Variants in ATG2A observed in about 807,000 individuals in gnomAD.
ATG2A encodes autophagy-related protein 2 homolog A.
A neutral mutation model predicts 214.2 loss-of-function variants in ATG2A; 103 were observed. The observed-to-expected ratio is 0.48, with a 90% CI of 0.41 to 0.57. ATG2A has a LOEUF of 0.57. ATG2A is among the 20% of genes least tolerant of loss of function. The pLI, the probability that ATG2A is intolerant of heterozygous loss-of-function variation, is 0.00. For missense variants in ATG2A, 2,312 were observed against 2,613.2 expected (o/e 0.88, Z 2.51); for synonymous variants, 1,160 against 1,142.1 (o/e 1.02, Z -0.32).
Position 64,913,837 on chromosome 11 carries a change from C to T in ATG2A, c.574G>A (p.Glu192Lys), listed in dbSNP as rs747039812. 7.4e-6 allele frequency: 12 copies of T among 1,613,458 alleles called. No homozygotes were observed. Among genetic ancestry groups the T allele is most frequent in the South Asian group, 4.4e-5 (4 of 91,082 alleles). Residue 192 changes from glutamate (E) to lysine (K), a missense_variant, in exon 4 of 41, where the codon GAG becomes AAG. Coordinates refer to ENST00000377264, the MANE Select transcript of ATG2A (RefSeq NM_015104.3). This position sits in a 1 kb window ranked among gnomAD's most constrained non-coding sequence, Gnocchi z 4.3. The part of the protein sequence containing the change: ...PGDGERGVAV[E>K]VRVQRLEYCD... Reference sequence around the variant, plus strand: ...TGCCCTTACCTCTGCACACGGACCTCGACGGCCACACCACGTTCCCCATCA... The same window carrying T: ...TGCCCTTACCTCTGCACACGGACCTTGACGGCCACACCACGTTCCCCATCA...
chr11:64,907,581 C>CT lies in ATG2A; in HGVS notation c.2590_2591insA (p.Gly864GlufsTer11). The CT allele has an allele frequency of 6.2e-7, 1 of 1,607,412 alleles. No individual in the cohort carries two copies. The highest frequency in any genetic ancestry group is 8.5e-7 in the Non-Finnish European group (1 of 1,177,752). On this transcript the variant is annotated frameshift_variant, in exon 18 of 41. Transcript: ENST00000377264. LOFTEE classifies it high-confidence loss of function. ...GCTGTCGTGCCAGAAGCCTGAGGGG[C>CT]CGGGGAAGCCCGAGGGCTGGGCGGC...
intron 31 of ATG2A, among the ~76,000 whole-genome samples, 173 bp downstream of exon 31, chr11:64,900,321 C>A (rs949120699): frequency 6.6e-6 from 1 of 152,162 alleles, no homozygotes; most frequent in Non-Finnish European, 1.5e-5. Flanking sequence ...AGACTCTCCC[C>A]TGAGCGCTCT....
chr11:64,913,964 A>C lies in ATG2A; in HGVS notation c.488-41T>G. 6.2e-7 allele frequency: 1 copy of C among 1,604,474 alleles called. No individual in the cohort carries two copies. The highest frequency in any genetic ancestry group is 1.7e-4 in the Middle Eastern group (1 of 6,052). On this transcript the variant is annotated intron_variant, in intron 3 of 40. Coordinates refer to ENST00000377264, the MANE Select transcript of ATG2A (RefSeq NM_015104.3). The surrounding 1 kb of genome is among the most constrained non-coding windows in gnomAD (Gnocchi z 4.3). ...GGGGTCTCAGGTCAGGTAGAGCAGC[A>C]AAGGGGAGGCAGAATTTCCCATCTG...
chr11:64,911,301 G>A (rs376664119), intron 9 of ATG2A, 26 bp from the exon 10 acceptor site: 4 of 1,607,200 alleles, frequency 2.5e-6, no homozygotes, highest in Non-Finnish European at 3.4e-6. Context: ...CTTCAGCAGG[G>A]GCTCCCAACA....
chr11:64,902,906 G>A (rs1439519748), intron 26 of ATG2A, among the ~76,000 whole-genome samples: 2 of 152,150 alleles, frequency 1.3e-5, no homozygotes, highest in African/African-American at 2.4e-5. Flanking sequence ...AAGGAAGCAG[G>A]AGTGTGCCCA....
chr11:64,896,715 C>T (rs1944165376), intron 38 of ATG2A, 33 bp downstream of exon 38: 18 of 1,612,068 alleles, frequency 1.1e-5, no homozygotes, highest in African/African-American at 2.7e-5. Context: ...AGGGTAAAAG[C>T]AGTTTCGAGG....
rs756235036 is a variant in ATG2A at position 64,903,597 on chromosome 11, C to T, written c.3528G>A (p.Leu1176=). 1 of 1,548,218 alleles carries T rather than the reference C, an allele frequency of 6.5e-7. No individual in the cohort carries two copies. The highest frequency in any genetic ancestry group is 8.7e-7 in the Non-Finnish European group (1 of 1,145,236). ...SDKCEVETLD[L]RRDYVCVLDV... ...AGTCCCGGCCCTGCCCACCTCGCCG[C>T]AGGTCCAGGGTCTCCACCTCACACT... Residue 1176 remains leucine, a synonymous_variant, in exon 25 of 41, where the codon CTG becomes CTA. Coordinates refer to ENST00000377264, the MANE Select transcript of ATG2A (RefSeq NM_015104.3). This position sits in a 1 kb window ranked among gnomAD's most constrained non-coding sequence, Gnocchi z 4.2.
Position 64,901,014 on chromosome 11 carries a change from T to A in ATG2A, c.4198A>T (p.Ile1400Phe), listed in dbSNP as rs1279674282. ...VVRDGYFSRPIGSTDLLRAPA... is the reference protein window; with the variant it reads ...VVRDGYFSRPFGSTDLLRAPA... ...GCCCGCAGCAAGTCCGTGCTGCCGA[T>A]CGGCCGTGAGAAGTAACCGTCCCTC... is the stretch of plus-strand genomic sequence containing the variant. Residue 1400 changes from isoleucine to phenylalanine, a missense_variant, in exon 30 of 41, where the codon ATC becomes TTC. Transcript: ENST00000377264. 3.8e-6 allele frequency: 6 copies of A among 1,590,050 alleles called. No individual in the cohort carries two copies. In the South Asian group the frequency reaches 5.7e-5, roughly 15 times the overall value.
rs780098630 is a variant in ATG2A, at chr11:64,910,056, G to T, written c.1847C>A (p.Pro616His). The T allele has an allele frequency of 5.0e-6, 8 of 1,591,850 alleles. No individual in the cohort carries two copies. Among genetic ancestry groups the T allele is most frequent in the South Asian group, 4.5e-5 (4 of 88,804 alleles). Residue 616 changes from proline to histidine, a missense_variant, in exon 13 of 41, where the codon CCT becomes CAT. Transcript: ENST00000377264. The stretch of plus-strand genomic sequence containing the variant: ...GCCTCTCACCAGCAGGCCGGCTGGA[G>T]GCTCAGCAGGTACGGTGGCCAGGCG... Reference protein sequence around the residue: ...LLRLATVPAEPPAGLLTEPLP... With the variant: ...LLRLATVPAEHPAGLLTEPLP...
In ATG2A at chr11:64,915,132, ACCCC is replaced by A. The variant is rs34205615; in HGVS notation, c.172-636_172-633del. On this transcript the variant is annotated intron_variant, in intron 1 of 40. Coordinates refer to ENST00000377264, the MANE Select transcript of ATG2A (RefSeq NM_015104.3). ...AGGGGCTGACCTAATGCCAGATGGG[ACCCC>A]CCCCCCCCACCACCAACCCCAAACA... Among the ~76,000 whole-genome samples the A allele has an allele frequency of 1.5e-3, 55 of 36,582 alleles. 1 individual carries two copies. Among genetic ancestry groups the A allele is most frequent in the Admixed American group, 7.4e-3 (25 of 3,364 alleles). The allele number at this position is 36,582 out of a possible 152,430, so 24.0% of individuals were successfully genotyped here.
chr11:64,906,071 C>T lies in ATG2A; in HGVS notation c.3264+42G>A. The stretch of plus-strand genomic sequence containing the variant: ...GACCTGCTTGCCCAAAACAGAAGTC[C>T]AGAGTCACTGGGCCATGTGGCTTCC... On this transcript the variant is annotated intron_variant, in intron 22 of 40. Transcript: ENST00000377264. 1.9e-6 allele frequency: 3 copies of T among 1,544,572 alleles called. No individual in the cohort carries two copies. In the South Asian group the frequency reaches 3.6e-5, roughly 18 times the overall value.
At position 64,896,809 on chromosome 11, in the gene ATG2A, G is replaced by A. The variant is rs143510901; in HGVS notation, c.5211C>T (p.Arg1737=). 1.9e-6 allele frequency: 3 copies of A among 1,614,168 alleles called. No individual in the cohort carries two copies. Among genetic ancestry groups the A allele is most frequent in the Non-Finnish European group, 2.5e-6 (3 of 1,180,040 alleles). ...YALNEWLQDI[R]KNQLPGLLGG... ...CCAGCAGGCCGGGCAGCTGGTTCTTGCGGATGTCCTGCAGCCACTCGTTGA... is the reference window on the plus strand; with the variant it reads ...CCAGCAGGCCGGGCAGCTGGTTCTTACGGATGTCCTGCAGCCACTCGTTGA... Residue 1737 remains arginine, a synonymous_variant, in exon 38 of 41, where the codon CGC becomes CGT. Transcript: ENST00000377264.
intron 36 of ATG2A, 86 bp downstream of exon 36, chr11:64,897,585 C>T: frequency 1.9e-6 from 3 of 1,607,018 alleles, no homozygotes; most frequent in Non-Finnish European, 2.6e-6. Flanking sequence ...TGGCTGCTAA[C>T]AGTGCCTGGA....
At chr11:64,912,680 G>A in intron 6 of ATG2A, 1 of 478,006 alleles carries the variant, frequency 2.1e-6, no homozygotes. Flanking sequence ...TGCAACCTCT[G>A]CCTCCTGGGT....
Position 64,917,086 on chromosome 11 carries a change from C to T in ATG2A, c.50G>A (p.Cys17Tyr). The T allele has an allele frequency of 6.2e-7, 1 of 1,613,476 alleles. No homozygotes were observed. The highest frequency in any genetic ancestry group is 8.5e-7 in the Non-Finnish European group (1 of 1,179,970). Residue 17 changes from cysteine (C) to tyrosine (Y), a missense_variant, in exon 1 of 41, where the codon TGC (cysteine) becomes TAC (tyrosine). Transcript: ENST00000377264. ...TAAGTAGTGGTGCAGCAAGTAGCGG[C>T]AGACCCGCTCTTTCACACAGTTTGA... Reference protein sequence around the residue: ...PWSNCVKERVCRYLLHHYLGH... With the variant: ...PWSNCVKERVYRYLLHHYLGH...
At position 64,898,577 on chromosome 11, in the gene ATG2A, G is replaced by A; in HGVS notation, c.4671+59C>T. ...GTGTGTGAATCCATGCATGCGTGAAGATGTATCCCCAACGGTCTGGTGCCC... is the reference window on the plus strand; with the variant it reads ...GTGTGTGAATCCATGCATGCGTGAAAATGTATCCCCAACGGTCTGGTGCCC... On this transcript the variant is annotated intron_variant, in intron 32 of 40. Transcript: ENST00000377264. This position sits in a 1 kb window ranked among gnomAD's most constrained non-coding sequence, Gnocchi z 4.5. 1 of 1,572,280 alleles carries A rather than the reference G, an allele frequency of 6.4e-7. No individual in the cohort carries two copies. Among genetic ancestry groups the A allele is most frequent in the South Asian group, 1.1e-5 (1 of 89,904 alleles).
At position 64,911,291 on chromosome 11, in the gene ATG2A, C is replaced by A. The variant is rs373387774; in HGVS notation, c.1229-16G>T. On this transcript the variant is annotated splice_polypyrimidine_tract_variant and intron_variant, in intron 9 of 40. Transcript: ENST00000377264. ...GCCATCTTGCCTGAGGGGACAGAGGCTTCAGCAGGGGCTCCCAACAGATTC... is the reference window on the plus strand; with the variant it reads ...GCCATCTTGCCTGAGGGGACAGAGGATTCAGCAGGGGCTCCCAACAGATTC... 1.2e-5 allele frequency: 19 copies of A among 1,611,018 alleles called. No individual in the cohort carries two copies. The highest frequency in any genetic ancestry group is 1.5e-5 in the Non-Finnish European group (18 of 1,178,710).
rs908386966 is a variant in ATG2A, at chr11:64,903,053, C to T, written c.3612+235G>A. 6.6e-6 allele frequency among the ~76,000 whole-genome samples: 1 copy of T among 152,140 alleles called. No individual in the cohort carries two copies. The highest frequency in any genetic ancestry group is 1.5e-5 in the Non-Finnish European group (1 of 68,004). On this transcript the variant is annotated intron_variant, in intron 26 of 40. Transcript: ENST00000377264. The surrounding 1 kb of genome is among the most constrained non-coding windows in gnomAD (Gnocchi z 4.2). ...AGGGCCTCGCTGGTGCCCTGGCTGCCGCGTCCTCTGGTGGCAGGGCTGAAA... is the reference window on the plus strand; with the variant it reads ...AGGGCCTCGCTGGTGCCCTGGCTGCTGCGTCCTCTGGTGGCAGGGCTGAAA...
At chr11:64,909,989 G>A (rs934962907) in intron 13 of ATG2A, 51 bp downstream of exon 13, 1 of 1,565,478 alleles carries the variant, frequency 6.4e-7, no homozygotes, top group Non-Finnish European at 8.6e-7. Context: ...AGAGCCGAAG[G>A]ACCCAGGCCC....
Sources: gnomAD v4.1 joint callset for allele counts (sites outside exome capture counted in the v4.1 genomes callset) on GRCh38, gnomAD v4.1.1 for gene constraint, Gnocchi (gnomAD v3.1) non-coding constraint, MANE v1.5 for transcripts, NCBI Gene and HGNC (gene_info 2026-07-23, HGNC 2026-07-21) for gene names.